Variants in TINAG observed in about 807,000 individuals in gnomAD.
TINAG encodes tubulointerstitial nephritis antigen.
Under a neutral mutation model 72.7 loss-of-function variants are expected in TINAG, and 83 were observed. The ratio of observed to expected loss-of-function variants is 1.14; its 90% CI spans 0.96 to 1.37. The LOEUF is 1.37. Ranked by LOEUF, TINAG falls within the 40% of genes most tolerant of loss-of-function variation. TINAG has a pLI of 0.00. For missense variants in TINAG, 685 were observed against 576.6 expected (o/e 1.19, Z -1.93); for synonymous variants, 234 against 189.9 (o/e 1.23, Z -1.91).
At chr6:54,387,090 A>G (rs1244352564) in intron 10 of TINAG, among the ~76,000 whole-genome samples, 2 of 152,202 alleles carry the variant, frequency 1.3e-5, no homozygotes, top group African/African-American at 4.8e-5. Context: ...TCAATAAAAT[A>G]GAACTCTTAA....
intron 1 of TINAG, 92 bp downstream of exon 1, chr6:54,308,997 T>A: frequency 9.1e-7 from 1 of 1,097,026 alleles, no homozygotes; most frequent in Non-Finnish European, 1.3e-6. Context: ...TTTTTTTCCT[T>A]CTTTCAATGA....
intron 9 of TINAG, among the ~76,000 whole-genome samples, chr6:54,372,857 G>C (rs1763673202): frequency 6.6e-6 from 1 of 150,988 alleles, no homozygotes; most frequent in Non-Finnish European, 1.5e-5. Flanking sequence ...ATGGCAATTT[G>C]CAATGTCTTC....
At chr6:54,320,168 C>T (rs1341880725) in intron 1 of TINAG, among the ~76,000 whole-genome samples, 3 of 152,144 alleles carry the variant, frequency 2.0e-5, no homozygotes, top group Middle Eastern at 3.4e-3. Context: ...AAGCTACTTG[C>T]TTCAGTCATA....
At chr6:54,328,697 C>G in intron 4 of TINAG, among the ~76,000 whole-genome samples, 1 of 152,016 alleles carries the variant, frequency 6.6e-6, no homozygotes, top group East Asian at 1.9e-4. Flanking sequence ...CATGTTCTAA[C>G]TGAATGTAAG....
Position 54,308,838 on chromosome 6 carries a change from T to C in TINAG, c.288T>C (p.Pro96=). 6.2e-7 allele frequency: 1 copy of C among 1,613,824 alleles called. No homozygotes were observed. The highest frequency in any genetic ancestry group is 8.5e-7 in the Non-Finnish European group (1 of 1,179,866). The change falls in exon 1 of 11, where the codon CCT becomes CCC. Residue 96 remains proline, a synonymous_variant. Transcript: ENST00000259782. ...ACAGAGAAAATTCTGATTGCTGTCCTGACTACAAGTCCTTTTGCCGTGAAG... is the reference window on the plus strand; with the variant it reads ...ACAGAGAAAATTCTGATTGCTGTCCCGACTACAAGTCCTTTTGCCGTGAAG... ...FCDRENSDCC[P]DYKSFCREEK...
intron 4 of TINAG, among the ~76,000 whole-genome samples, chr6:54,337,835 G>A (rs1784903277): frequency 6.6e-6 from 1 of 152,208 alleles, no homozygotes; most frequent in Non-Finnish European, 1.5e-5. Context: ...TAGAAGAGGG[G>A]AAGAGAGGCA....
intron 9 of TINAG, among the ~76,000 whole-genome samples, chr6:54,361,097 A>G (rs1202632444): frequency 6.6e-6 from 1 of 150,928 alleles, no homozygotes; most frequent in African/African-American, 2.4e-5. Flanking sequence ...TAAGATGGCA[A>G]ACTTGATTGT....
chr6:54,379,090 C>T (rs1351404161), intron 9 of TINAG, among the ~76,000 whole-genome samples: 1 of 152,136 alleles, frequency 6.6e-6, no homozygotes, highest in African/African-American at 2.4e-5. Flanking sequence ...TCTGTAATGA[C>T]AGACCATAAT....
intron 1 of TINAG, among the ~76,000 whole-genome samples, chr6:54,312,070 T>G (rs1784271787): frequency 6.6e-6 from 1 of 152,124 alleles, no homozygotes; most frequent in South Asian, 2.1e-4. Flanking sequence ...TTTTGTTTTT[T>G]GTTTTTGACA....
chr6:54,371,831 T>C (rs975701211), intron 9 of TINAG, among the ~76,000 whole-genome samples: 5 of 151,996 alleles, frequency 3.3e-5, no homozygotes, highest in African/African-American at 9.7e-5. Context: ...AGTTGGGAAA[T>C]ACCAAGGACA....
At position 54,327,132 on chromosome 6, in the gene TINAG, C is replaced by A; in HGVS notation, c.624+216C>A. ...TTTACTGTTACCAATTAGACATAGT[C>A]TCCTTTAGGAATGATTGAATGGGCT... On this transcript the variant is annotated intron_variant, in intron 4 of 10. Coordinates refer to ENST00000259782, the MANE Select transcript of TINAG (RefSeq NM_014464.4). 2.6e-6 allele frequency: 4 copies of A among 1,549,032 alleles called. No homozygotes were observed. The Middle Eastern group carries it at 5.0e-4, about 194-fold the overall frequency.
At position 54,389,984 on chromosome 6, in the gene TINAG, G is replaced by A; in HGVS notation, c.*59G>A. 6.3e-7 allele frequency: 1 copy of A among 1,576,596 alleles called. No homozygotes were observed. The highest frequency in any genetic ancestry group is 8.6e-7 in the Non-Finnish European group (1 of 1,165,514). ...AAGTAACCCCCTAAATTGAAGTTTAGCAATATGACATTCTTGGTGACAGTG... is the reference window on the plus strand; with the variant it reads ...AAGTAACCCCCTAAATTGAAGTTTAACAATATGACATTCTTGGTGACAGTG... On this transcript the variant is annotated 3_prime_UTR_variant, in exon 11 of 11. Coordinates refer to ENST00000259782, the MANE Select transcript of TINAG (RefSeq NM_014464.4).
At position 54,390,073 on chromosome 6, in the gene TINAG, ATGCTTC is replaced by A; in HGVS notation, c.*155_*160del. ...ATTTTCTTATTTTCCCCTCTGGTCT[ATGCTTC>A]TGCTTCCTTCATATTACTGAGCATT... On this transcript the variant is annotated 3_prime_UTR_variant, in exon 11 of 11. Transcript: ENST00000259782. 9.3e-7 allele frequency: 1 copy of A among 1,075,974 alleles called. No homozygotes were observed. Among genetic ancestry groups the A allele is most frequent in the Non-Finnish European group, 1.3e-6 (1 of 765,356 alleles). The allele number at this position is 1,075,974 out of a possible 1,614,324, so 66.7% of individuals were successfully genotyped here.
At chr6:54,366,788 G>A (rs1763437586) in intron 9 of TINAG, among the ~76,000 whole-genome samples, 1 of 151,676 alleles carries the variant, frequency 6.6e-6, no homozygotes, top group Non-Finnish European at 1.5e-5. Context: ...ATGTAGTCAG[G>A]CAAGTAGAAA....
Position 54,308,508 on chromosome 6 carries a change from T to C in TINAG, c.-43T>C, listed in dbSNP as rs2150924297. On this transcript the variant is annotated 5_prime_UTR_variant, in exon 1 of 11. Transcript: ENST00000259782. Reference sequence around the variant, plus strand: ...GGAGAAGCCCACAAGGCTAAGGGTATTGGATATAACGGAAAGTGGAAGCTA... The same window carrying C: ...GGAGAAGCCCACAAGGCTAAGGGTACTGGATATAACGGAAAGTGGAAGCTA... 6.5e-7 allele frequency: 1 copy of C among 1,529,926 alleles called. No homozygotes were observed. The highest frequency in any genetic ancestry group is 8.9e-7 in the Non-Finnish European group (1 of 1,127,200). 94.8% of individuals were successfully genotyped at this position (1,529,926 alleles called of 1,614,324 possible).
chr6:54,370,755 A>G (rs1242193220), intron 9 of TINAG, among the ~76,000 whole-genome samples: 1 of 152,056 alleles, frequency 6.6e-6, no homozygotes, highest in Non-Finnish European at 1.5e-5. Context: ...GGGGATGTTG[A>G]AACTGATAGA....
At chr6:54,357,888 T>C (rs1165536345) in intron 9 of TINAG, among the ~76,000 whole-genome samples, 2 of 151,936 alleles carry the variant, frequency 1.3e-5, no homozygotes, top group Admixed American at 6.6e-5. Context: ...TCCTACAATA[T>C]ATTCCCAATT....
intron 9 of TINAG, among the ~76,000 whole-genome samples, chr6:54,367,552 G>T (rs1763471501): frequency 6.6e-6 from 1 of 151,744 alleles, no homozygotes; most frequent in South Asian, 2.1e-4. Flanking sequence ...CTGAGCATGT[G>T]CAGGTGCTGT....
intron 10 of TINAG, among the ~76,000 whole-genome samples, chr6:54,386,715 T>G (rs764791852): frequency 4.6e-5 from 7 of 151,622 alleles, no homozygotes; most frequent in Non-Finnish European, 8.8e-5. Flanking sequence ...AGAAACTTTA[T>G]ATACATATGA....
Sources: gnomAD v4.1 joint callset for allele counts (sites outside exome capture counted in the v4.1 genomes callset) on GRCh38, gnomAD v4.1.1 for gene constraint, MANE v1.5 for transcripts, NCBI Gene and HGNC (gene_info 2026-07-23, HGNC 2026-07-21) for gene names.